ZRANB1: variants seen among roughly 807,000 people sequenced by gnomAD.
The protein encoded by ZRANB1 is ubiquitin thioesterase ZRANB1.
In ZRANB1, 16 loss-of-function variants were observed where a neutral mutation model predicts 80.5. The observed-to-expected ratio is 0.20, with a 90% confidence interval of 0.13 to 0.30. The LOEUF (loss-of-function observed/expected upper bound fraction) is 0.30, where lower values mean the gene tolerates loss of function less well. Ranked by LOEUF, ZRANB1 falls within the 10% of genes least tolerant of loss-of-function variation. The pLI is 1.00. For missense variants in ZRANB1, 576 were observed against 862.6 expected (o/e 0.67, Z 4.16); for synonymous variants, 291 against 293.1 (o/e 0.99, Z 0.07).
rs915542772 is a variant in ZRANB1 at position 124,987,196 on chromosome 10, GA to G, written c.*2206del. ...CAGCCATAATTATTGTCCCAAGATAGAATATAGTCCTTTTTCAAAGATGATT... is the reference window on the plus strand; with the variant it reads ...CAGCCATAATTATTGTCCCAAGATAGATATAGTCCTTTTTCAAAGATGATT... On this transcript the variant is annotated 3_prime_UTR_variant, in exon 9 of 9. Transcript: ENST00000359653. 2.6e-5 allele frequency: 4 copies of G among 152,448 alleles called. No homozygotes were observed. The highest frequency in any genetic ancestry group is 9.7e-5 in the African/African-American group (4 of 41,364). The allele number at this position is 152,448 out of a possible 1,614,324, so 9.4% of individuals were successfully genotyped here.
chr10:124,980,811 T>C (rs1339958635), intron 5 of ZRANB1, among the ~76,000 whole-genome samples: 1 of 152,210 alleles, frequency 6.6e-6, no homozygotes, highest in Admixed American at 6.5e-5. Flanking sequence ...GGTCTCACTA[T>C]GTTGGCCAGG....
At position 124,952,334 on chromosome 10, in the gene ZRANB1, A is replaced by AC. The variant is rs1338124304; in HGVS notation, c.814+9029dup. Among the ~76,000 whole-genome samples the AC allele has an allele frequency of 2.0e-5, 3 of 152,184 alleles. No individual in the cohort carries two copies. The East Asian group carries it at 5.8e-4, about 29-fold the overall frequency. ...CAGGAGAGTGAAGATTATAGATGGG[A>AC]CCATGAGAAGAGAAGCGGAGGCTTG... On this transcript the variant is annotated intron_variant, in intron 1 of 8. Transcript: ENST00000359653.
At chr10:124,949,496 TACACACACACAC>T (rs71964464) in intron 1 of ZRANB1, among the ~76,000 whole-genome samples, 2 of 129,206 alleles carry the variant, frequency 1.5e-5, no homozygotes, top group African/African-American at 5.9e-5. Flanking sequence ...TATTCACGTA[TACACACACACAC>T]ACACACACAC....
rs144661842 is a variant in ZRANB1, at chr10:124,944,392, A to G, written c.814+1085A>G. ...TATTTATCCCTCTGGGTACAGCCCA[A>G]GAATATGGAAAGTTTAGGTGTATGA... On this transcript the variant is annotated intron_variant, in intron 1 of 8. Coordinates refer to ENST00000359653, the MANE Select transcript of ZRANB1 (RefSeq NM_017580.3). Among the ~76,000 whole-genome samples, 706 of 152,184 alleles carry G rather than the reference A, an allele frequency of 4.6e-3. 5 individuals carry two copies. The highest frequency in any genetic ancestry group is 0.016 in the African/African-American group (661 of 41,508).
chr10:124,967,358 G>A (rs1452607429), intron 2 of ZRANB1, among the ~76,000 whole-genome samples: 1 of 152,188 alleles, frequency 6.6e-6, no homozygotes, highest in African/African-American at 2.4e-5. Context: ...CATTTTTACA[G>A]GGGGCAGAGA....
the ZRANB1 span, among the ~76,000 whole-genome samples, chr10:124,920,470 GTGT>G: frequency 6.6e-6 from 1 of 152,118 alleles, no homozygotes; most frequent in African/African-American, 2.4e-5. Flanking sequence ...TCTTGGTGTG[GTGT>G]TCAAGTTTCT....
intron 2 of ZRANB1, among the ~76,000 whole-genome samples, chr10:124,968,449 G>C (rs974975555): frequency 1.3e-5 from 2 of 152,156 alleles, no homozygotes; most frequent in African/African-American, 4.8e-5. Flanking sequence ...AGCCGGGGTG[G>C]GGGGCTTGAG....
intron 5 of ZRANB1, among the ~76,000 whole-genome samples, chr10:124,980,029 C>CAAAT (rs1160364710): frequency 6.6e-6 from 1 of 152,176 alleles, no homozygotes; most frequent in African/African-American, 2.4e-5. Context: ...TTTCCATATA[C>CAAAT]ATTTTAGGAT....
chr10:124,983,681 C>T lies in ZRANB1; in HGVS notation c.1901C>T (p.Ala634Val). 6.3e-7 allele frequency: 1 copy of T among 1,583,410 alleles called. No individual in the cohort carries two copies. Among genetic ancestry groups the T allele is most frequent in the Non-Finnish European group, 8.6e-7 (1 of 1,162,832 alleles). The part of the protein sequence containing the change: ...RKLLHVHFLS[A>V]QELGNEEQQE... ...CTACTCCATGTGCACTTCCTTTCTG[C>T]TCAGGAGGTAAGCAGTTTCTCCTAT... The change falls in exon 8 of 9, where the codon GCT becomes GTT. Residue 634 changes from alanine to valine, a missense_variant. Physicochemically the swap from Ala to Val is moderately conservative, Grantham distance 64. Transcript: ENST00000359653. This position sits in a 1 kb window ranked among gnomAD's most constrained non-coding sequence, Gnocchi z 6.2.
the ZRANB1 span, among the ~76,000 whole-genome samples, chr10:124,932,811 C>G: frequency 6.6e-6 from 1 of 152,018 alleles, no homozygotes; most frequent in Non-Finnish European, 1.5e-5. Context: ...GATCAGCCCA[C>G]CTTGGCCTCC....
intron 1 of ZRANB1, among the ~76,000 whole-genome samples, chr10:124,963,156 C>T (rs1207899174): frequency 6.6e-6 from 1 of 150,856 alleles, no homozygotes. Flanking sequence ...GTCCCAGCTG[C>T]TCAGGAGGCT....
At chr10:124,962,913 G>A (rs765765948) in intron 1 of ZRANB1, among the ~76,000 whole-genome samples, 4 of 152,080 alleles carry the variant, frequency 2.6e-5, no homozygotes, top group Non-Finnish European at 5.9e-5. Context: ...TCTTCATGAA[G>A]GAGAAAGGGA....
At chr10:124,927,025 G>C in the ZRANB1 span, among the ~76,000 whole-genome samples, 2 of 152,154 alleles carry the variant, frequency 1.3e-5, no homozygotes, top group Admixed American at 1.3e-4. Flanking sequence ...CGCGATCTCG[G>C]CTCACTGCAG....
chr10:124,937,505 C>T (rs1441860775), upstream of ZRANB1, among the ~76,000 whole-genome samples: 1 of 151,898 alleles, frequency 6.6e-6, no homozygotes, highest in Non-Finnish European at 1.5e-5. Flanking sequence ...TTCATTTCTT[C>T]AGTTCTCTAT....
At chr10:124,922,281 A>AATATATAT in the ZRANB1 span, among the ~76,000 whole-genome samples, 17 of 87,450 alleles carry the variant, frequency 1.9e-4, no homozygotes, top group African/African-American at 6.9e-4. Flanking sequence ...ATATATGTAA[A>AATATATAT]ATATATATAT....
rs1334383406 is a variant in ZRANB1 at position 124,987,966 on chromosome 10, T to A, written c.*2974T>A. Reference sequence around the variant, plus strand: ...AATATCATTTTGTTTGTTAGGTTATTGGCAAAACAGTTTCAAGGTTCACTT... The same window carrying A: ...AATATCATTTTGTTTGTTAGGTTATAGGCAAAACAGTTTCAAGGTTCACTT... On this transcript the variant is annotated 3_prime_UTR_variant, in exon 9 of 9. Transcript: ENST00000359653. 1 of 152,558 alleles carries A rather than the reference T, an allele frequency of 6.6e-6. No homozygotes were observed. The highest frequency in any genetic ancestry group is 1.5e-5 in the Non-Finnish European group (1 of 67,938). The allele number at this position is 152,558 out of a possible 1,614,324, so 9.5% of individuals were successfully genotyped here. A position where few individuals can be genotyped will look rare whatever the true frequency, so the allele number is the denominator to read the frequency against.
rs1589838368 is a variant in ZRANB1 at position 124,942,210 on chromosome 10, CCTAT to C, written c.-281_-278del. 4 of 1,234,192 alleles carry C rather than the reference CCTAT, an allele frequency of 3.2e-6. No individual in the cohort carries two copies. The highest frequency in any genetic ancestry group is 4.1e-6 in the Non-Finnish European group (4 of 981,922). The allele number at this position is 1,234,192 out of a possible 1,614,324, so 76.5% of individuals were successfully genotyped here. ...AGATCAAACCTCGTTATATCTCCTG[CCTAT>C]CTCTTTTGCATTCCAAAGTTCAGTT... is the stretch of plus-strand genomic sequence containing the variant. On this transcript the variant is annotated 5_prime_UTR_variant, in exon 1 of 9. An upstream open reading frame in the 5' UTR gains an earlier in-frame stop. Transcript: ENST00000359653.
chr10:124,954,125 C>T (rs566094290), intron 1 of ZRANB1, among the ~76,000 whole-genome samples: 118 of 148,544 alleles, frequency 7.9e-4, no homozygotes, highest in Non-Finnish European at 1.6e-3. Context: ...GCACCACCAT[C>T]CCCAGCTAAT....
chr10:124,983,042 C>A lies in ZRANB1; in HGVS notation c.1549-133C>A. 2 of 842,438 alleles carry A rather than the reference C, an allele frequency of 2.4e-6. No individual in the cohort carries two copies. The highest frequency in any genetic ancestry group is 3.6e-6 in the Non-Finnish European group (2 of 563,210). 52.2% of individuals were successfully genotyped at this position (842,438 alleles called of 1,614,324 possible). ...GATTTATTATTTGAGGAATCAAATGCTGCTTTGACAATCTTTTCTTTCTTA... is the reference window on the plus strand; with the variant it reads ...GATTTATTATTTGAGGAATCAAATGATGCTTTGACAATCTTTTCTTTCTTA... On this transcript the variant is annotated intron_variant, in intron 6 of 8. Coordinates refer to ENST00000359653, the MANE Select transcript of ZRANB1 (RefSeq NM_017580.3). This position sits in a 1 kb window ranked among gnomAD's most constrained non-coding sequence, Gnocchi z 6.2.
Sources: allele counts gnomAD v4.1 joint callset (sites outside exome capture counted in the v4.1 genomes callset), GRCh38; gene constraint gnomAD v4.1.1; non-coding constraint Gnocchi (gnomAD v3.1); transcripts MANE v1.5; gene names NCBI Gene and HGNC (gene_info 2026-07-23, HGNC 2026-07-21).